The following PLEKHA7 variants were observed in gnomAD, a reference collection of about 807,000 sequenced individuals.
The protein encoded by PLEKHA7 is pleckstrin homology domain containing A7, also known as pleckstrin homology domain-containing family A member 7.
A neutral mutation model predicts 170.0 loss-of-function variants in PLEKHA7; 104 were observed. That is an observed-to-expected ratio of 0.61 (90% CI 0.52 to 0.72). PLEKHA7 has a LOEUF of 0.72. Ranked by LOEUF, PLEKHA7 falls within the 30% of genes least tolerant of loss-of-function variation. The pLI, the probability that PLEKHA7 is intolerant of heterozygous loss-of-function variation, is 0.00. For missense variants in PLEKHA7, 1,615 were observed against 1,671.7 expected (o/e 0.97, Z 0.59); for synonymous variants, 648 against 660.8 (o/e 0.98, Z 0.30).
chr11:17,009,514 T>C (rs1183307761), intron 3 of PLEKHA7, among the ~76,000 whole-genome samples: 1 of 152,228 alleles, frequency 6.6e-6, no homozygotes, highest in Non-Finnish European at 1.5e-5. Flanking sequence ...TAATTATTAC[T>C]ACTATTATTG....
intron 3 of PLEKHA7, among the ~76,000 whole-genome samples, chr11:16,899,516 T>C (rs964367706): frequency 1.3e-5 from 2 of 152,040 alleles, no homozygotes; most frequent in Admixed American, 6.6e-5. Context: ...AACTTTTGCA[T>C]AAAGGAGAAA....
chr11:17,012,211 A>C (rs1329197892), intron 3 of PLEKHA7, among the ~76,000 whole-genome samples: 4 of 152,078 alleles, frequency 2.6e-5, no homozygotes, highest in Non-Finnish European at 5.9e-5. Flanking sequence ...AAAACCCTCC[A>C]ATGACGTTTC....
At chr11:16,816,704 A>G in intron 11 of PLEKHA7, 96 bp downstream of exon 11, 1 of 1,426,338 alleles carries the variant, frequency 7.0e-7, no homozygotes. Context: ...AGCTATCATT[A>G]TTATCCCAAA....
intron 23 of PLEKHA7, chr11:16,788,837 G>A (rs1009280590): frequency 1.6e-4 from 87 of 559,374 alleles, no homozygotes; most frequent in African/African-American, 8.4e-4. Context: ...TCTCCATCGC[G>A]GCTGGGAGGA....
chr11:16,816,210 T>C lies in PLEKHA7; in HGVS notation c.1921A>G (p.Thr641Ala), dbSNP rs773908443. Residue 641 changes from threonine (T) to alanine (A), a missense_variant, in exon 12 of 27, where the codon ACC becomes GCC. Transcript: ENST00000531066. Reference sequence around the variant, plus strand: ...CCATGTAAACTGGGAGCGCTGACGGTGTGGGTCATGTAACCCATGGAGGGC... The same window carrying C: ...CCATGTAAACTGGGAGCGCTGACGGCGTGGGTCATGTAACCCATGGAGGGC... ...SMPSMGYMTH[T>A]VSAPSLHGKS... 2.5e-6 allele frequency: 4 copies of C among 1,613,920 alleles called. No homozygotes were observed. In the South Asian group the frequency reaches 3.3e-5, roughly 13 times the overall value.
chr11:16,789,325 C>G lies in PLEKHA7; in HGVS notation c.3157-29G>C. On this transcript the variant is annotated intron_variant, in intron 22 of 26. Transcript: ENST00000531066. This position sits in a 1 kb window ranked among gnomAD's most constrained non-coding sequence, Gnocchi z 4.6. ...AGGAAGAGGAGGCAGGCAAGAGAGA[C>G]ACAGAACAGCTGGGCTGGGCACGCA... 1.2e-6 allele frequency: 2 copies of G among 1,607,368 alleles called. No homozygotes were observed. The highest frequency in any genetic ancestry group is 1.7e-6 in the Non-Finnish European group (2 of 1,176,920).
At chr11:16,855,105 C>T in intron 5 of PLEKHA7, 112 bp from the exon 6 acceptor site, 1 of 806,650 alleles carries the variant, frequency 1.2e-6, no homozygotes, top group Non-Finnish European at 2.1e-6. Context: ...AATGGCAGCA[C>T]CCTTTGATCA....
At chr11:16,819,546 T>C (rs1441008324) in intron 10 of PLEKHA7, among the ~76,000 whole-genome samples, 2 of 152,258 alleles carry the variant, frequency 1.3e-5, no homozygotes, top group Non-Finnish European at 2.9e-5. Context: ...TGCCTTCACC[T>C]ATCAATTTTA....
intron 26 of PLEKHA7, chr11:16,781,002 C>A: frequency 1.0e-6 from 1 of 986,276 alleles, no homozygotes; most frequent in Non-Finnish European, 1.2e-6. Context: ...TAAGGTGGCA[C>A]CGTCCTGGAA....
chr11:16,847,090 CTTTTTTTTTTTTTT>C (rs59132787), intron 8 of PLEKHA7, among the ~76,000 whole-genome samples: 5 of 70,814 alleles, frequency 7.1e-5, no homozygotes, highest in Admixed American at 4.1e-4. Context: ...TTTTTTTTTT[CTTTTTTTTTTTTTT>C]TTTTTTTTTT....
At chr11:16,995,756 CA>C (rs1225170811) in intron 3 of PLEKHA7, among the ~76,000 whole-genome samples, 1 of 152,184 alleles carries the variant, frequency 6.6e-6, no homozygotes, top group African/African-American at 2.4e-5. Flanking sequence ...GGAAGCAAGG[CA>C]TGTCTCGAAT....
intron 3 of PLEKHA7, among the ~76,000 whole-genome samples, chr11:16,948,853 C>T (rs569148537): frequency 6.6e-6 from 1 of 152,342 alleles, no homozygotes; most frequent in South Asian, 2.1e-4. Context: ...CACTTTCCCG[C>T]TTCCAGGGCA....
At chr11:16,851,804 G>A (rs1852987697) in intron 7 of PLEKHA7, among the ~76,000 whole-genome samples, 1 of 152,172 alleles carries the variant, frequency 6.6e-6, no homozygotes, top group Admixed American at 6.5e-5. Flanking sequence ...AGCCTCCTCA[G>A]ATTCTCCAAT....
chr11:16,781,850 T>C (rs1211767244), intron 26 of PLEKHA7, among the ~76,000 whole-genome samples: 1 of 152,068 alleles, frequency 6.6e-6, no homozygotes, highest in South Asian at 2.1e-4. Flanking sequence ...GGAGAATTGG[T>C]AGGGGCCATG....
intron 3 of PLEKHA7, among the ~76,000 whole-genome samples, chr11:16,943,423 A>G (rs1364627163): frequency 6.6e-6 from 1 of 152,154 alleles, no homozygotes; most frequent in Non-Finnish European, 1.5e-5. Flanking sequence ...CAATTTAAAC[A>G]CCTGCACAGT....
chr11:16,786,787 GGAA>G (rs1303407572), intron 23 of PLEKHA7: 2 of 985,256 alleles, frequency 2.0e-6, no homozygotes, highest in Non-Finnish European at 2.4e-6. Context: ...CAGAATTAAT[GGAA>G]AAACACGCCC....
chr11:16,904,889 T>C (rs1341268559), intron 3 of PLEKHA7, among the ~76,000 whole-genome samples: 2 of 152,214 alleles, frequency 1.3e-5, no homozygotes, highest in Non-Finnish European at 2.9e-5. Context: ...AAGCATGTTA[T>C]GTAAAAAGAC....
intron 3 of PLEKHA7, among the ~76,000 whole-genome samples, chr11:16,874,210 T>C (rs530172589): frequency 1.3e-5 from 2 of 152,270 alleles, no homozygotes; most frequent in South Asian, 4.1e-4. Context: ...TGATAAATTA[T>C]AAGACTGGGA....
intron 3 of PLEKHA7, 71 bp from the exon 4 acceptor site, chr11:16,871,253 A>G: frequency 8.2e-7 from 1 of 1,218,802 alleles, no homozygotes. Context: ...CAGGTCAGTC[A>G]GCAATGTCTG....
Sources: allele counts gnomAD v4.1 joint callset (sites outside exome capture counted in the v4.1 genomes callset), GRCh38; gene constraint gnomAD v4.1.1; non-coding constraint Gnocchi (gnomAD v3.1); transcripts MANE v1.5; gene names NCBI Gene and HGNC (gene_info 2026-07-23, HGNC 2026-07-21).